Variants in BIRC6 observed in about 807,000 individuals in gnomAD.
The protein encoded by BIRC6 is dual E2 ubiquitin-conjugating enzyme/E3 ubiquitin-protein ligase BIRC6.
Under a neutral mutation model 503.3 loss-of-function variants are expected in BIRC6, and 98 were observed. The observed-to-expected ratio is 0.19, with a 90% CI of 0.17 to 0.23. The LOEUF (loss-of-function observed/expected upper bound fraction) is 0.23. Among genes scored for constraint, BIRC6 ranks in the 10% least tolerant of loss-of-function variants. BIRC6 has a pLI of 1.00. For missense variants in BIRC6, 5,360 were observed against 5,806.0 expected, an observed-to-expected ratio of 0.92 and a Z score of 2.50; for synonymous variants, 2,240 against 2,078.7, an observed-to-expected ratio of 1.08 and a Z score of -2.11.
chr2:32,424,030 C>T (rs891616516), intron 10 of BIRC6, among the ~76,000 whole-genome samples: 1 of 151,948 alleles, frequency 6.6e-6, no homozygotes, highest in Non-Finnish European at 1.5e-5. Context: ...AAAGTGAAGC[C>T]GTTTTGAAGT....
intron 15 of BIRC6, among the ~76,000 whole-genome samples, 199 bp downstream of exon 15, chr2:32,436,383 T>C (rs1024162114): frequency 5.3e-5 from 8 of 152,204 alleles, no homozygotes; most frequent in African/African-American, 1.9e-4. Flanking sequence ...TTTTTGTGTC[T>C]TAAGAGGTCT....
intron 10 of BIRC6, among the ~76,000 whole-genome samples, chr2:32,422,973 G>C (rs1477440425): frequency 2.0e-5 from 3 of 152,156 alleles, no homozygotes; most frequent in Non-Finnish European, 4.4e-5. Context: ...GTCTTGCTCT[G>C]TTGCCAAGGC....
At position 32,469,505 on chromosome 2, in the gene BIRC6, C is replaced by T. The variant is rs763730533; in HGVS notation, c.6238C>T (p.Leu2080Phe). 2.5e-6 allele frequency: 4 copies of T among 1,613,750 alleles called. No individual in the cohort carries two copies. The African/African-American group carries it at 4.0e-5, about 16-fold the overall frequency. ...CCCAAAGATACGGTTACATACTGGT[C>T]TTCTTCTTGTTCAACTGTGTGGTGG... is the stretch of plus-strand genomic sequence containing the variant. ...GTPKIRLHTG[L>F]LLVQLCGGER... is the part of the protein sequence containing the mutation. The change falls in exon 30 of 74, where the codon CTT becomes TTT. Residue 2080 changes from leucine to phenylalanine, a missense_variant. By Grantham distance (22) the Leu-to-Phe change is conservative. Around this residue, in one of 16 missense-constraint regions of BIRC6, gnomAD observed 2,299 missense variants for 2,267.2 expected, o/e 1.01. Coordinates refer to ENST00000421745, the MANE Select transcript of BIRC6 (RefSeq NM_016252.4).
rs1304991855 is a variant in BIRC6, at chr2:32,618,870, T to C, written c.*966T>C. On this transcript the variant is annotated 3_prime_UTR_variant, in exon 74 of 74. Transcript: ENST00000421745. ...TTCCTAGAGCCAAATAAATAAAGAC[T>C]TAGGTGAATTAGTATGTCTTGTTTC... 2 of 152,598 alleles carry C rather than the reference T, an allele frequency of 1.3e-5. No individual in the cohort carries two copies. Among genetic ancestry groups the C allele is most frequent in the Non-Finnish European group, 2.9e-5 (2 of 68,042 alleles). The allele number at this position is 152,598 out of a possible 1,614,324, so 9.5% of individuals were successfully genotyped here.
At chr2:32,393,958 ATATAT>A (rs1418002959) in intron 5 of BIRC6, among the ~76,000 whole-genome samples, 1 of 150,444 alleles carries the variant, frequency 6.6e-6, no homozygotes, top group East Asian at 1.9e-4. Context: ...ATATATATAT[ATATAT>A]ATATATGAAT....
At chr2:32,466,238 GA>G (rs2148914943) in intron 26 of BIRC6, among the ~76,000 whole-genome samples, 1 of 152,236 alleles carries the variant, frequency 6.6e-6, no homozygotes, top group Non-Finnish European at 1.5e-5. Flanking sequence ...ATTACTAGCT[GA>G]CCCACCCCAA....
At chr2:32,376,852 C>G (rs550296428) in intron 1 of BIRC6, among the ~76,000 whole-genome samples, 1 of 152,150 alleles carries the variant, frequency 6.6e-6, no homozygotes, top group African/African-American at 2.4e-5. Context: ...TGTGGTCTCT[C>G]AGAATATCTT....
intron 65 of BIRC6, among the ~76,000 whole-genome samples, chr2:32,552,262 T>A (rs1265725352): frequency 1.3e-5 from 2 of 152,208 alleles, no homozygotes; most frequent in Non-Finnish European, 2.9e-5. Flanking sequence ...TTAATGACTG[T>A]TAAAGATTGA....
chr2:32,570,687 A>T (rs2059855854), intron 65 of BIRC6, among the ~76,000 whole-genome samples: 1 of 132,038 alleles, frequency 7.6e-6, no homozygotes, highest in Non-Finnish European at 1.6e-5. Context: ...TTTAGTAGAG[A>T]TGGGTTTCAC....
In BIRC6 at chr2:32,597,900, T is replaced by G; in HGVS notation, c.13762T>G (p.Ser4588Ala). The change falls in exon 69 of 74, where the codon TCA (serine) becomes GCA (alanine). Residue 4588 changes from serine (S) to alanine (A), a missense_variant. Physicochemically the swap from Ser to Ala is moderately conservative, Grantham distance 99. Around this residue, in one of 16 missense-constraint regions of BIRC6, gnomAD observed 477 missense variants for 574.4 expected, o/e 0.83. Transcript: ENST00000421745. ...CCAGGAAGCTGTGACGCTTTCAACC[T>G]CACTGCCTCTGTCTTCATCCTCTAG... is the stretch of plus-strand genomic sequence containing the variant. ...LAQEAVTLST[S>A]LPLSSSSSVF... 1.2e-6 allele frequency: 2 copies of G among 1,613,858 alleles called. No homozygotes were observed. The highest frequency in any genetic ancestry group is 1.1e-5 in the South Asian group (1 of 91,072).
intron 1 of BIRC6, among the ~76,000 whole-genome samples, chr2:32,363,566 G>A (rs2034439011): frequency 6.6e-6 from 1 of 151,952 alleles, no homozygotes; most frequent in South Asian, 2.1e-4. Context: ...CTGAAATAAT[G>A]CCCCTCCCCA....
chr2:32,415,595 T>G lies in BIRC6; in HGVS notation c.2304T>G (p.Asn768Lys). ...TAAATCAAGTAGAGGCCTTGAATAATTTAAATAAATTAAACTCTGCACTAT... is the reference window on the plus strand; with the variant it reads ...TAAATCAAGTAGAGGCCTTGAATAAGTTAAATAAATTAAACTCTGCACTAT... ...SAINQVEALN[N>K]LNKLNSALCN... Residue 768 changes from asparagine (N) to lysine (K), a missense_variant, in exon 10 of 74, where the codon AAT (asparagine) becomes AAG (lysine). Transcript: ENST00000421745. 6.2e-7 allele frequency: 1 copy of G among 1,613,864 alleles called. No homozygotes were observed. The highest frequency in any genetic ancestry group is 8.5e-7 in the Non-Finnish European group (1 of 1,179,794).
intron 40 of BIRC6, among the ~76,000 whole-genome samples, chr2:32,486,181 T>C (rs1056541806): frequency 1.3e-5 from 2 of 152,166 alleles, no homozygotes; most frequent in African/African-American, 4.8e-5. Flanking sequence ...GACAGCCAAA[T>C]AGGCCTGTTA....
chr2:32,487,858 A>G lies in BIRC6; in HGVS notation c.7968+57A>G. The G allele has an allele frequency of 1.3e-5, 19 of 1,436,190 alleles. 1 individual carries two copies. The highest frequency in any genetic ancestry group is 1.8e-5 in the Non-Finnish European group (19 of 1,033,656). 89.0% of individuals were successfully genotyped at this position (1,436,190 alleles called of 1,614,324 possible). ...CATATTATTGTTAGCCTGGTAAAAG[A>G]TGAAACTAATTGGGAAGTTCATTCT... On this transcript the variant is annotated intron_variant, in intron 41 of 73. Coordinates refer to ENST00000421745, the MANE Select transcript of BIRC6 (RefSeq NM_016252.4).
At chr2:32,408,517 G>T (rs1158670796) in intron 9 of BIRC6, among the ~76,000 whole-genome samples, 4 of 152,004 alleles carry the variant, frequency 2.6e-5, no homozygotes, top group Admixed American at 6.6e-5. Flanking sequence ...AGTTTTTTTT[G>T]ATTGTCACTG....
intron 61 of BIRC6, among the ~76,000 whole-genome samples, chr2:32,534,091 A>G (rs1470234096): frequency 6.6e-6 from 1 of 152,150 alleles, no homozygotes; most frequent in Non-Finnish European, 1.5e-5. Context: ...GTGTAATCCT[A>G]GCCTGTAATC....
chr2:32,570,722 C>T (rs747878168), intron 65 of BIRC6, among the ~76,000 whole-genome samples: 5 of 152,038 alleles, frequency 3.3e-5, no homozygotes, highest in Non-Finnish European at 7.4e-5. Flanking sequence ...TGGTCTCGAA[C>T]TCCTGACCTC....
intron 50 of BIRC6, among the ~76,000 whole-genome samples, chr2:32,506,001 C>T (rs528631739): frequency 4.1e-4 from 62 of 152,098 alleles, no homozygotes; most frequent in African/African-American, 1.5e-3. Context: ...CATGTACCAC[C>T]ATGCCTGGCT....
intron 10 of BIRC6, among the ~76,000 whole-genome samples, chr2:32,419,199 A>C (rs1255419083): frequency 6.6e-6 from 1 of 152,250 alleles, no homozygotes; most frequent in Non-Finnish European, 1.5e-5. Flanking sequence ...ATGTATGTAC[A>C]TGTATGATTT....
Sources: gnomAD v4.1 joint callset for allele counts (sites outside exome capture counted in the v4.1 genomes callset) on GRCh38, gnomAD v4.1.1 for gene constraint, gnomAD v4.1.1 regional missense constraint, MANE v1.5 for transcripts, NCBI Gene and HGNC (gene_info 2026-07-23, HGNC 2026-07-21) for gene names.